Variants in MYH10 observed in about 807,000 individuals in gnomAD.
MYH10 encodes myosin-10.
In MYH10, 55 loss-of-function variants were observed where a neutral mutation model predicts 257.8. The observed-to-expected ratio is 0.21, with a 90% CI of 0.17 to 0.27. The LOEUF (loss-of-function observed/expected upper bound fraction) is 0.27, where lower values mean the gene tolerates loss of function less well. Ranked by LOEUF, MYH10 falls within the 10% of genes least tolerant of loss-of-function variation. The pLI is 1.00. For missense variants in MYH10, 1,631 were observed against 2,500.6 expected (o/e 0.65, Z 7.42); for synonymous variants, 854 against 921.7 (o/e 0.93, Z 1.33).
rs566236433 is a variant in MYH10, at chr17:8,493,322, C to T, written c.4210-298G>A. On this transcript the variant is annotated intron_variant, in intron 32 of 42. Coordinates refer to ENST00000360416, the MANE Select transcript of MYH10 (RefSeq NM_001256012.3). ...TCACGCCACTGCACTCCAGCCTGGG[C>T]GACAAAGTGAGACTCTATCTCAAGG... Among the ~76,000 whole-genome samples, 18 of 147,484 alleles carry T rather than the reference C, an allele frequency of 1.2e-4. No homozygotes were observed. The East Asian group carries it at 1.6e-3, about 13-fold the overall frequency.
intron 17 of MYH10, among the ~76,000 whole-genome samples, chr17:8,525,465 C>T (rs1419229781): frequency 6.6e-6 from 1 of 152,256 alleles, no homozygotes; most frequent in Non-Finnish European, 1.5e-5. Flanking sequence ...TTGGCCGGTG[C>T]CTGGTGCTGG....
intron 1 of MYH10, among the ~76,000 whole-genome samples, chr17:8,629,053 C>T (rs2085790696): frequency 6.6e-6 from 1 of 152,082 alleles, no homozygotes; most frequent in Admixed American, 6.5e-5. Flanking sequence ...TTTTCCAGAA[C>T]CCGAGACAGG....
At chr17:8,602,274 G>C (rs903229268) in intron 3 of MYH10, among the ~76,000 whole-genome samples, 2 of 152,140 alleles carry the variant, frequency 1.3e-5, no homozygotes, top group Non-Finnish European at 2.9e-5. Context: ...CACCGTGCCC[G>C]GCCAAGAAAC....
Position 8,577,325 on chromosome 17 carries a change from C to G in MYH10, c.544G>C (p.Ala182Pro). The G allele has an allele frequency of 6.2e-7, 1 of 1,608,602 alleles. No homozygotes were observed. Reference sequence around the variant, plus strand: ...TTCTTTGTATTTTCTGTCTTCCCAGCACCTGACTCACCCCTGAAAGAAAGA... The same window carrying G: ...TTCTTTGTATTTTCTGTCTTCCCAGGACCTGACTCACCCCTGAAAGAAAGA... ...QSILCTGESG[A>P]GKTENTKKVI... is the part of the protein sequence containing the mutation. The change falls in exon 5 of 43, where the codon GCT becomes CCT. Residue 182 changes from alanine to proline, a missense_variant. Physicochemically the swap from Ala to Pro is conservative, Grantham distance 27. Around this residue, in one of 11 missense-constraint regions of MYH10, gnomAD observed 360 missense variants for 581.9 expected, o/e 0.62. Transcript: ENST00000360416.
chr17:8,491,951 C>T (rs988764989), intron 34 of MYH10, among the ~76,000 whole-genome samples: 1 of 152,192 alleles, frequency 6.6e-6, no homozygotes, highest in Non-Finnish European at 1.5e-5. Flanking sequence ...CCCCACTCAC[C>T]TCATGTTTGA....
At chr17:8,590,567 C>T (rs376134113) in intron 3 of MYH10, among the ~76,000 whole-genome samples, 1 of 152,128 alleles carries the variant, frequency 6.6e-6, no homozygotes, top group Non-Finnish European at 1.5e-5. Context: ...CTGCCTCGGC[C>T]TCCCACAGTG....
intron 17 of MYH10, among the ~76,000 whole-genome samples, chr17:8,528,089 C>G (rs930743244): frequency 2.6e-5 from 4 of 152,204 alleles, no homozygotes; most frequent in Non-Finnish European, 5.9e-5. Context: ...AATTTTTGCT[C>G]TGCTAGTACA....
chr17:8,568,841 AGG>A (rs1409058404), intron 7 of MYH10, among the ~76,000 whole-genome samples: 2 of 151,980 alleles, frequency 1.3e-5, no homozygotes, highest in African/African-American at 4.8e-5. Context: ...GCCATCACTT[AGG>A]ATAACATTCT....
At chr17:8,577,660 T>C (rs1003269387) in intron 4 of MYH10, among the ~76,000 whole-genome samples, 6 of 152,202 alleles carry the variant, frequency 3.9e-5, no homozygotes. Context: ...GCCTCCTAAG[T>C]AGCTGGGATT....
intron 17 of MYH10, among the ~76,000 whole-genome samples, chr17:8,527,326 C>G (rs2081876705): frequency 6.6e-6 from 1 of 152,236 alleles, no homozygotes. Flanking sequence ...ATCCCAAGCA[C>G]TAGTCTCAAG....
intron 9 of MYH10, among the ~76,000 whole-genome samples, chr17:8,550,420 C>T (rs886271230): frequency 1.3e-5 from 2 of 150,582 alleles, no homozygotes; most frequent in African/African-American, 4.9e-5. Context: ...CCCGGCCGCC[C>T]CGTCTGAGAA....
chr17:8,478,544 A>T (rs545427277), intron 40 of MYH10, 98 bp from the exon 41 acceptor site: 1 of 1,078,446 alleles, frequency 9.3e-7, no homozygotes. Flanking sequence ...AAGATGACAC[A>T]TGGTGGAGGC....
intron 17 of MYH10, among the ~76,000 whole-genome samples, chr17:8,529,328 GC>G (rs1197691756): frequency 6.6e-6 from 1 of 152,200 alleles, no homozygotes; most frequent in Non-Finnish European, 1.5e-5. Context: ...CACTGACCCT[GC>G]CCTCAAAGAG....
chr17:8,530,557 C>CA, intron 17 of MYH10, 66 bp downstream of exon 17: 1 of 1,140,702 alleles, frequency 8.8e-7, no homozygotes, highest in South Asian at 1.6e-5. Flanking sequence ...CCAGTCCCCC[C>CA]ACACGTTTTT....
chr17:8,514,232 G>A (rs1567829597), intron 21 of MYH10, among the ~76,000 whole-genome samples: 2 of 152,212 alleles, frequency 1.3e-5, no homozygotes, highest in Non-Finnish European at 2.9e-5. Context: ...GAAGACTGTA[G>A]ACAGAAGGGC....
chr17:8,540,248 G>A (rs1396133885), intron 14 of MYH10, among the ~76,000 whole-genome samples: 1 of 152,198 alleles, frequency 6.6e-6, no homozygotes. Flanking sequence ...GCCTGCCTCA[G>A]CCTCCCAAAG....
At position 8,622,958 on chromosome 17, in the gene MYH10, T is replaced by C. The variant is rs769183775; in HGVS notation, c.289A>G (p.Asn97Asp). 1 of 1,614,184 alleles carries C rather than the reference T, an allele frequency of 6.2e-7. No individual in the cohort carries two copies. The highest frequency in any genetic ancestry group is 1.7e-5 in the Admixed American group (1 of 60,026). Residue 97 changes from asparagine (N) to aspartate (D), a missense_variant, in exon 2 of 43, where the codon AAT becomes GAT. Coordinates refer to ENST00000360416, the MANE Select transcript of MYH10 (RefSeq NM_001256012.3). ...VEDMAELTCL[N>D]EASVLHNLKD... ...AGATTATGTAAAACGGAAGCTTCAT[T>C]CAAGCATGTCAATTCTGCCATATCC...
chr17:8,488,400 A>C, intron 35 of MYH10, among the ~76,000 whole-genome samples: 1 of 152,338 alleles, frequency 6.6e-6, no homozygotes, highest in East Asian at 1.9e-4. Flanking sequence ...CCATGAGTCC[A>C]CAGGGACTGT....
intron 6 of MYH10, among the ~76,000 whole-genome samples, chr17:8,571,733 G>A (rs2083349937): frequency 6.6e-6 from 1 of 151,876 alleles, no homozygotes; most frequent in Non-Finnish European, 1.5e-5. Flanking sequence ...ACTCCAGCCT[G>A]GGAGAAAGAG....
Sources: gnomAD v4.1 joint callset for allele counts (sites outside exome capture counted in the v4.1 genomes callset) on GRCh38, gnomAD v4.1.1 for gene constraint, gnomAD v4.1.1 regional missense constraint, MANE v1.5 for transcripts, NCBI Gene and HGNC (gene_info 2026-07-23, HGNC 2026-07-21) for gene names.